The following NDFIP1 variants were observed in gnomAD, a reference collection of about 807,000 sequenced individuals.
NDFIP1 encodes the protein NEDD4 family-interacting protein 1.
A neutral mutation model predicts 28.8 loss-of-function variants in NDFIP1; 7 were observed. That is an observed-to-expected ratio of 0.24 (90% CI 0.14 to 0.46). NDFIP1 has a LOEUF of 0.46. Among genes scored for constraint, NDFIP1 ranks in the 20% least tolerant of loss-of-function variants. The probability of loss-of-function intolerance (pLI) is 0.99; values close to 1 mark genes in which losing one functional copy is unlikely to be tolerated. For missense variants in NDFIP1, 194 were observed against 269.1 expected (o/e 0.72, Z 1.95); for synonymous variants, 92 against 101.0 (o/e 0.91, Z 0.53).
chr5:142,141,145 C>G (rs912290249), intron 6 of NDFIP1, among the ~76,000 whole-genome samples: 1 of 134,468 alleles, frequency 7.4e-6, no homozygotes, highest in Non-Finnish European at 1.6e-5. Context: ...AGAATAAGAA[C>G]TATTTTACAA....
chr5:142,125,820 G>T (rs11954237), intron 1 of NDFIP1, among the ~76,000 whole-genome samples: 2 of 152,166 alleles, frequency 1.3e-5, no homozygotes, highest in Non-Finnish European at 2.9e-5. Context: ...GCATGAAGTG[G>T]TATTGAGTCT....
chr5:142,146,530 T>G (rs1476707907), intron 7 of NDFIP1, among the ~76,000 whole-genome samples: 1 of 152,234 alleles, frequency 6.6e-6, no homozygotes, highest in Non-Finnish European at 1.5e-5. Context: ...GTCCTCCTTA[T>G]GAAGGGTGCT....
chr5:142,124,792 CT>C (rs1485951889), intron 1 of NDFIP1, among the ~76,000 whole-genome samples: 2 of 151,014 alleles, frequency 1.3e-5, no homozygotes, highest in Admixed American at 1.3e-4. Flanking sequence ...GTGGGTTTTT[CT>C]TTTCTTTTTT....
At chr5:142,136,908 A>G (rs1212942016) in intron 4 of NDFIP1, among the ~76,000 whole-genome samples, 3 of 92,678 alleles carry the variant, frequency 3.2e-5, no homozygotes, top group Non-Finnish European at 6.4e-5. Flanking sequence ...TCTACTAAAA[A>G]CAAAAATTAG....
At chr5:142,140,945 C>T (rs34802011) in intron 6 of NDFIP1, among the ~76,000 whole-genome samples, 1,886 of 152,170 alleles carry the variant, frequency 0.012, 19 homozygotes, top group Non-Finnish European at 0.019. Context: ...GCTATTGCCA[C>T]ACAGCATTCA....
chr5:142,125,483 G>A (rs76085332), intron 1 of NDFIP1, among the ~76,000 whole-genome samples: 13,814 of 152,076 alleles, frequency 0.091, 840 homozygotes, highest in African/African-American at 0.17. Flanking sequence ...CTGTCTCAGC[G>A]TCTTGAGTAG....
chr5:142,152,311 G>A lies in NDFIP1; in HGVS notation c.*583G>A, dbSNP rs1353839053. 6.6e-6 allele frequency: 1 copy of A among 152,412 alleles called. No individual in the cohort carries two copies. Among genetic ancestry groups the A allele is most frequent in the Non-Finnish European group, 1.5e-5 (1 of 68,008 alleles). The allele number at this position is 152,412 out of a possible 1,614,324, so 9.4% of individuals were successfully genotyped here. ...GTGGTCAAAAATAAGTCTTTAATTG[G>A]TAAATAATAAGCATTAATTTTTTAT... On this transcript the variant is annotated 3_prime_UTR_variant, in exon 8 of 8. Coordinates refer to ENST00000253814, the MANE Select transcript of NDFIP1 (RefSeq NM_030571.4).
At chr5:142,113,006 G>A (rs1178182766) in intron 1 of NDFIP1, among the ~76,000 whole-genome samples, 7 of 152,106 alleles carry the variant, frequency 4.6e-5, no homozygotes, top group Non-Finnish European at 8.8e-5. Flanking sequence ...GATCTTCTGC[G>A]GTAGATGTGT....
At chr5:142,110,435 T>G (rs1757002104) in intron 1 of NDFIP1, among the ~76,000 whole-genome samples, 1 of 152,224 alleles carries the variant, frequency 6.6e-6, no homozygotes, top group African/African-American at 2.4e-5. Context: ...CATCCTGACT[T>G]GGATAAGGCT....
At chr5:142,132,591 G>A (rs1331264475) in intron 3 of NDFIP1, among the ~76,000 whole-genome samples, 2 of 152,066 alleles carry the variant, frequency 1.3e-5, no homozygotes. Context: ...AAGTCTCCTG[G>A]GATGGCTGAA....
chr5:142,147,350 G>T (rs1327625018), intron 7 of NDFIP1, among the ~76,000 whole-genome samples: 1 of 152,286 alleles, frequency 6.6e-6, no homozygotes, highest in Non-Finnish European at 1.5e-5. Flanking sequence ...TCTTTCTCTA[G>T]TTCAGAGGAC....
intron 1 of NDFIP1, among the ~76,000 whole-genome samples, chr5:142,113,873 G>A (rs1226977696): frequency 6.6e-6 from 1 of 152,186 alleles, no homozygotes; most frequent in East Asian, 1.9e-4. Flanking sequence ...GTTGTAGCAT[G>A]TGTCAGAATT....
chr5:142,145,265 C>T (rs923973023), intron 7 of NDFIP1, among the ~76,000 whole-genome samples: 2 of 152,146 alleles, frequency 1.3e-5, no homozygotes, highest in African/African-American at 4.8e-5. Flanking sequence ...GGACCTTTTC[C>T]CTTGCCTAGA....
At position 142,135,807 on chromosome 5, in the gene NDFIP1, A is replaced by C. The variant is rs1377027831; in HGVS notation, c.360A>C (p.Leu120Phe). ...TAGGAAATGATGGGATTTTCATGTT[A>C]ACTTTTTTCAGTAAGTATGTATGCA... The part of the protein sequence containing the change: ...LRIGNDGIFM[L>F]TFFMAFLFNW... Residue 120 changes from leucine to phenylalanine, a missense_variant, in exon 4 of 8, where the codon TTA becomes TTC. Physicochemically the swap from Leu to Phe is conservative, Grantham distance 22 (BLOSUM62 0). Coordinates refer to ENST00000253814, the MANE Select transcript of NDFIP1 (RefSeq NM_030571.4). 1 of 1,613,488 alleles carries C rather than the reference A, an allele frequency of 6.2e-7. No individual in the cohort carries two copies. Among genetic ancestry groups the C allele is most frequent in the Non-Finnish European group, 8.5e-7 (1 of 1,179,548 alleles).
intron 1 of NDFIP1, among the ~76,000 whole-genome samples, chr5:142,123,414 G>A (rs1315927165): frequency 6.6e-6 from 1 of 152,202 alleles, no homozygotes; most frequent in Non-Finnish European, 1.5e-5. Flanking sequence ...GATTACAGGT[G>A]AGATCCACCA....
At chr5:142,109,598 G>A (rs1196734733) in intron 1 of NDFIP1, among the ~76,000 whole-genome samples, 1 of 152,198 alleles carries the variant, frequency 6.6e-6, no homozygotes, top group Non-Finnish European at 1.5e-5. Flanking sequence ...AGTAGATTTG[G>A]AAGAGGCGAT....
chr5:142,131,865 C>T lies in NDFIP1; in HGVS notation c.121C>T (p.Pro41Ser). ...ACAGGCTGCAGGTGATGCTCCTCCA[C>T]CTTACAGCAGCATTTCTGCAGAGAG... ...PEQAAGDAPPPYSSISAESAA... is the reference protein window; with the variant it reads ...PEQAAGDAPPSYSSISAESAA... Residue 41 changes from proline (P) to serine (S), a missense_variant, in exon 2 of 8, where the codon CCT becomes TCT. Pro to Ser is a moderately conservative substitution (Grantham distance 74). Transcript: ENST00000253814. 1 of 1,601,584 alleles carries T rather than the reference C, an allele frequency of 6.2e-7. No individual in the cohort carries two copies. Among genetic ancestry groups the T allele is most frequent in the Non-Finnish European group, 8.5e-7 (1 of 1,176,390 alleles).
At chr5:142,141,215 G>A (rs1462789480) in intron 6 of NDFIP1, among the ~76,000 whole-genome samples, 5 of 112,958 alleles carry the variant, frequency 4.4e-5, no homozygotes, top group Admixed American at 1.3e-4. Context: ...TTGCTCTGTC[G>A]CACAGGCTGG....
At chr5:142,137,662 G>A (rs1398693328) in intron 4 of NDFIP1, 72 bp from the exon 5 acceptor site, 3 of 1,552,444 alleles carry the variant, frequency 1.9e-6, no homozygotes, top group Admixed American at 3.6e-5. Context: ...TTAAACAGAG[G>A]CAGGTGTAAG....
Sources: allele counts gnomAD v4.1 joint callset (sites outside exome capture counted in the v4.1 genomes callset), GRCh38; gene constraint gnomAD v4.1.1; transcripts MANE v1.5; gene names NCBI Gene and HGNC (gene_info 2026-07-23, HGNC 2026-07-21).